The following SHROOM2 variants were observed in gnomAD, a reference collection of about 807,000 sequenced individuals.
SHROOM2 encodes the protein protein Shroom2.
SHROOM2 carries 33 observed loss-of-function variants against 75.9 expected under a neutral mutation model. The observed-to-expected ratio is 0.43, with a 90% CI of 0.33 to 0.58. SHROOM2 has a LOEUF of 0.58. SHROOM2 is among the 20% of genes least tolerant of loss of function. The pLI is 0.04. For missense variants in SHROOM2, 1,434 were observed against 1,461.2 expected (o/e 0.98, Z 0.30); for synonymous variants, 655 against 663.6 (o/e 0.99, Z 0.20).
At chrX:9,851,459 CT>C (rs58104608) in intron 1 of SHROOM2, among the ~76,000 whole-genome samples, 8,621 of 80,045 alleles carry the variant, frequency 0.11, 612 homozygotes, top group African/African-American at 0.25. Flanking sequence ...TTTTTTTTTT[CT>C]TTTTTTTTTG....
chrX:9,814,427 A>G (rs1242588844), intron 1 of SHROOM2, among the ~76,000 whole-genome samples: 1 of 111,457 alleles, frequency 9.0e-6, no homozygotes, highest in Non-Finnish European at 1.9e-5. Context: ...TATATCAATT[A>G]TAGAACTCAA....
At chrX:9,887,926 A>AC in intron 2 of SHROOM2, among the ~76,000 whole-genome samples, 1 of 113,310 alleles carries the variant, frequency 8.8e-6, no homozygotes, top group South Asian at 3.6e-4. Context: ...AGTAGCCACT[A>AC]CCCACATGTG....
intron 1 of SHROOM2, among the ~76,000 whole-genome samples, chrX:9,820,116 ATT>A (rs56091740): frequency 0.087 from 8,178 of 94,190 alleles, 870 homozygotes; most frequent in African/African-American, 0.29. Flanking sequence ...CACCTTTAAA[ATT>A]TTTTTTTTTT....
At chrX:9,819,217 C>T in intron 1 of SHROOM2, 1 of 984,035 alleles carries the variant, frequency 1.0e-6, no homozygotes, top group Non-Finnish European at 1.4e-6. Flanking sequence ...GGACAGAGAA[C>T]AAATTTTTTA....
In SHROOM2 at chrX:9,790,301, A is replaced by G. The variant is rs1025428092; in HGVS notation, c.165+3591A>G. Among the ~76,000 whole-genome samples, 4 of 111,839 alleles carry G rather than the reference A, an allele frequency of 3.6e-5. No individual in the cohort carries two copies. In the East Asian group the frequency reaches 1.1e-3, roughly 31 times the overall value. On this transcript the variant is annotated intron_variant, in intron 1 of 9. Coordinates refer to ENST00000380913, the MANE Select transcript of SHROOM2 (RefSeq NM_001649.4). ...ACCTCGTGACCCGAGGACCGGGGAG[A>G]TCAGAGTGACCACCCTGGTCGGGAT...
At chrX:9,858,120 G>A (rs2084082993) in intron 1 of SHROOM2, among the ~76,000 whole-genome samples, 1 of 112,088 alleles carries the variant, frequency 8.9e-6, no homozygotes, top group African/African-American at 3.2e-5. Context: ...GATAGCCCTT[G>A]TGACGGGTGA....
intron 1 of SHROOM2, among the ~76,000 whole-genome samples, chrX:9,792,604 G>C (rs894305431): frequency 9.1e-6 from 1 of 109,998 alleles, no homozygotes; most frequent in Non-Finnish European, 1.9e-5. Context: ...TTTGGCAAAA[G>C]GTGACTTTCA....
Position 9,896,233 on chromosome X carries a change from G to T in SHROOM2, c.2325G>T (p.Thr775=). 8.3e-7 allele frequency: 1 copy of T among 1,211,936 alleles called. No individual in the cohort carries two copies. The highest frequency in any genetic ancestry group is 1.8e-5 in the South Asian group (1 of 56,996). Residue 775 remains threonine (T), a synonymous_variant, in exon 4 of 10, where the codon ACG becomes ACT. Coordinates refer to ENST00000380913, the MANE Select transcript of SHROOM2 (RefSeq NM_001649.4). The stretch of plus-strand genomic sequence containing the variant: ...AGAAGATGAACGAGGTGGGCCTCAC[G>T]AGGGGCTACAGTCCTCACCAGCACC... ...EPEKMNEVGL[T]RGYSPHQHPR... is the part of the protein sequence containing the mutation.
chrX:9,897,452 G>T (rs188221543), intron 4 of SHROOM2, among the ~76,000 whole-genome samples: 1 of 108,623 alleles, frequency 9.2e-6, no homozygotes, highest in African/African-American at 3.4e-5. Context: ...TGGGTGCGGT[G>T]GTGCATTTGC....
chrX:9,792,050 A>C (rs1428233216), intron 1 of SHROOM2, among the ~76,000 whole-genome samples: 1 of 1,905 alleles, frequency 5.2e-4, no homozygotes, highest in East Asian at 6.8e-3. Context: ...AGAATAGAAT[A>C]GAATAGAATA....
intron 5 of SHROOM2, among the ~76,000 whole-genome samples, chrX:9,917,621 G>A (rs2084502781): frequency 9.0e-6 from 1 of 111,358 alleles, no homozygotes; most frequent in Admixed American, 9.5e-5. Context: ...CCTGGGTTCA[G>A]CCAGTTCTCC....
intron 1 of SHROOM2, among the ~76,000 whole-genome samples, chrX:9,809,968 G>A (rs992767278): frequency 6.2e-5 from 7 of 112,485 alleles, no homozygotes; most frequent in Non-Finnish European, 1.1e-4. Context: ...GAGTCACTGC[G>A]CCCAGCCTGA....
At chrX:9,801,247 C>T (rs1195678838) in intron 1 of SHROOM2, among the ~76,000 whole-genome samples, 1 of 112,132 alleles carries the variant, frequency 8.9e-6, no homozygotes, top group East Asian at 2.8e-4. Flanking sequence ...AAACTGCCCC[C>T]ATGATTCAAT....
At chrX:9,905,269 C>G (rs936650193) in intron 5 of SHROOM2, among the ~76,000 whole-genome samples, 1 of 112,972 alleles carries the variant, frequency 8.9e-6, no homozygotes, top group Non-Finnish European at 1.9e-5. Context: ...CATCTGTTTT[C>G]TGAAGGCCCA....
chrX:9,848,893 T>C (rs2084023025), intron 1 of SHROOM2, among the ~76,000 whole-genome samples: 1 of 111,369 alleles, frequency 9.0e-6, no homozygotes, highest in African/African-American at 3.3e-5. Context: ...ACTCCTGGGA[T>C]GCCTGGATTC....
rs183496138 is a variant in SHROOM2, at chrX:9,911,810, C to G, written c.2891+13520C>G. 8.8e-3 allele frequency among the ~76,000 whole-genome samples: 983 copies of G among 111,178 alleles called. 14 individuals are homozygous for G. Among genetic ancestry groups the G allele is most frequent in the African/African-American group, 0.03 (908 of 30,542 alleles). On this transcript the variant is annotated intron_variant, in intron 5 of 9. Transcript: ENST00000380913. ...CAAGAATATATGGACATAGAATAGG[C>G]TGTTGAATGTTTTCTTTTTCCTCCT...
At chrX:9,803,498 T>A (rs1016068660) in intron 1 of SHROOM2, among the ~76,000 whole-genome samples, 2 of 110,994 alleles carry the variant, frequency 1.8e-5, no homozygotes, top group African/African-American at 3.3e-5. Context: ...CTCCATGCTG[T>A]CTCTTTGGTG....
intron 1 of SHROOM2, among the ~76,000 whole-genome samples, chrX:9,827,154 C>A (rs1298135084): frequency 9.1e-6 from 1 of 109,430 alleles, no homozygotes; most frequent in Non-Finnish European, 1.9e-5. Flanking sequence ...TAAAGAACAC[C>A]AGGAGAGTCC....
intron 1 of SHROOM2, among the ~76,000 whole-genome samples, chrX:9,820,710 C>T (rs777974152): frequency 7.1e-5 from 8 of 111,890 alleles, no homozygotes; most frequent in African/African-American, 1.9e-4. Flanking sequence ...TAAAATTCCA[C>T]GTCCTCCATT....
Sources: gnomAD v4.1 joint callset for allele counts (sites outside exome capture counted in the v4.1 genomes callset) on GRCh38, gnomAD v4.1.1 for gene constraint, MANE v1.5 for transcripts, NCBI Gene and HGNC (gene_info 2026-07-23, HGNC 2026-07-21) for gene names.